The following STXBP5L variants were observed in gnomAD, a reference collection of about 807,000 sequenced individuals.
The protein encoded by STXBP5L is syntaxin binding protein 5L, also known as syntaxin-binding protein 5-like.
Under a neutral mutation model 144.5 loss-of-function variants are expected in STXBP5L, and 65 were observed. That is an observed-to-expected ratio of 0.45 (90% CI 0.37 to 0.55). The LOEUF is 0.55. Ranked by LOEUF, STXBP5L falls within the 20% of genes least tolerant of loss-of-function variation. The pLI is 0.00. For missense variants in STXBP5L, 1,298 were observed against 1,405.5 expected (o/e 0.92, Z 1.22); for synonymous variants, 505 against 469.6 (o/e 1.08, Z -0.97).
intron 5 of STXBP5L, among the ~76,000 whole-genome samples, chr3:121,078,906 G>A (rs6438606): frequency 0.1 from 15,231 of 152,256 alleles, 1,195 homozygotes; most frequent in Admixed American, 0.2. Flanking sequence ...CAATTGCCAC[G>A]CGCAGCCCCA....
chr3:120,969,844 T>C (rs1940035802), intron 3 of STXBP5L, among the ~76,000 whole-genome samples: 1 of 152,072 alleles, frequency 6.6e-6, no homozygotes, highest in Non-Finnish European at 1.5e-5. Context: ...TGTTTTCTGG[T>C]TGTTTTGTAG....
intron 9 of STXBP5L, among the ~76,000 whole-genome samples, chr3:121,188,542 C>T (rs1351212652): frequency 2.0e-5 from 3 of 151,368 alleles, no homozygotes; most frequent in African/African-American, 7.3e-5. Context: ...TGATGAACAT[C>T]GATGTGAAAA....
chr3:120,982,817 T>G (rs960132771), intron 3 of STXBP5L, among the ~76,000 whole-genome samples: 5 of 152,066 alleles, frequency 3.3e-5, no homozygotes, highest in Non-Finnish European at 5.9e-5. Flanking sequence ...GGCTAGGCAG[T>G]CCCCCAATTT....
chr3:121,410,532 G>A (rs925958005), intron 23 of STXBP5L, among the ~76,000 whole-genome samples: 1 of 151,944 alleles, frequency 6.6e-6, no homozygotes, highest in African/African-American at 2.4e-5. Context: ...TATATTCCCA[G>A]GATCTTTCCA....
intron 7 of STXBP5L, 149 bp from the exon 8 acceptor site, chr3:121,152,328 G>T: frequency 8.9e-6 from 5 of 561,950 alleles, no homozygotes; most frequent in Non-Finnish European, 1.5e-5. Context: ...TTTTTTAAAT[G>T]TAGAAAACCT....
intron 5 of STXBP5L, among the ~76,000 whole-genome samples, chr3:121,087,626 TGTCA>T (rs2042561361): frequency 6.6e-6 from 1 of 152,052 alleles, no homozygotes; most frequent in Non-Finnish European, 1.5e-5. Context: ...TAATTCATTC[TGTCA>T]GTCTATATAT....
At chr3:121,378,622 G>T (rs951329427) in intron 20 of STXBP5L, 94 bp from the exon 21 acceptor site, 35 of 1,290,610 alleles carry the variant, frequency 2.7e-5, no homozygotes, top group Non-Finnish European at 3.3e-5. Context: ...TAAAGGAATT[G>T]TTGCTCATCT....
chr3:121,170,079 C>T (rs1454697092), intron 9 of STXBP5L, among the ~76,000 whole-genome samples: 2 of 152,180 alleles, frequency 1.3e-5, no homozygotes, highest in African/African-American at 2.4e-5. Flanking sequence ...AACTTAACAA[C>T]GTGCTCCTGA....
chr3:121,274,946 C>A (rs17249426), intron 18 of STXBP5L, among the ~76,000 whole-genome samples: 20,223 of 152,110 alleles, frequency 0.13, 1,649 homozygotes, highest in Middle Eastern at 0.19. Context: ...GACTTATAAC[C>A]CAAGGTAAGA....
At chr3:121,077,400 T>A (rs1488996699) in intron 5 of STXBP5L, among the ~76,000 whole-genome samples, 1 of 152,260 alleles carries the variant, frequency 6.6e-6, no homozygotes, top group East Asian at 1.9e-4. Context: ...TTCTGATGTT[T>A]GGATGTGTTC....
intron 7 of STXBP5L, among the ~76,000 whole-genome samples, chr3:121,136,158 C>T (rs542173701): frequency 6.6e-6 from 1 of 152,266 alleles, no homozygotes; most frequent in East Asian, 1.9e-4. Flanking sequence ...GAAGATAACT[C>T]ATGTCTCCCT....
chr3:121,039,379 C>T (rs1457941508), intron 3 of STXBP5L, among the ~76,000 whole-genome samples: 1 of 151,646 alleles, frequency 6.6e-6, no homozygotes, highest in Non-Finnish European at 1.5e-5. Context: ...TCTATTTCCC[C>T]TCCTATTGGC....
chr3:121,170,641 G>C (rs539260939), intron 9 of STXBP5L, among the ~76,000 whole-genome samples: 4 of 152,138 alleles, frequency 2.6e-5, no homozygotes, highest in Non-Finnish European at 5.9e-5. Context: ...GACTAAACCA[G>C]GGAGAAGTCC....
At chr3:121,264,590 A>G (rs1268378988) in intron 18 of STXBP5L, among the ~76,000 whole-genome samples, 1 of 152,198 alleles carries the variant, frequency 6.6e-6, no homozygotes, top group Non-Finnish European at 1.5e-5. Context: ...ATAACCAGCT[A>G]GCGTCATAAT....
rs138903780 is a variant in STXBP5L, at chr3:121,301,204, G to A, written c.2111-17271G>A. The stretch of plus-strand genomic sequence containing the variant: ...GCATGGAATGTTCTTCCATTTGTTT[G>A]TATCCTCCTTTATTTCGTTGAGCAG... On this transcript the variant is annotated intron_variant, in intron 19 of 26. Coordinates refer to ENST00000471454, the MANE Select transcript of STXBP5L (RefSeq NM_001308330.2). 4.8e-4 allele frequency among the ~76,000 whole-genome samples: 73 copies of A among 152,228 alleles called. 1 individual carries two copies. The East Asian group carries it at 0.013, about 28-fold the overall frequency.
chr3:120,983,397 G>T (rs971821973), intron 3 of STXBP5L, among the ~76,000 whole-genome samples: 1 of 152,128 alleles, frequency 6.6e-6, no homozygotes, highest in African/African-American at 2.4e-5. Context: ...AGTGGTGGTG[G>T]TATCTGTTTT....
intron 19 of STXBP5L, among the ~76,000 whole-genome samples, chr3:121,286,802 G>T (rs2051247628): frequency 6.8e-6 from 1 of 146,428 alleles, no homozygotes; most frequent in South Asian, 2.3e-4. Flanking sequence ...TGAAAACAAT[G>T]GTTTTTAAGA....
chr3:121,183,669 G>C (rs2047253147), intron 9 of STXBP5L, among the ~76,000 whole-genome samples: 1 of 151,820 alleles, frequency 6.6e-6, no homozygotes, highest in African/African-American at 2.4e-5. Context: ...AAGAAGGAAG[G>C]GAGGGAGGGA....
intron 5 of STXBP5L, among the ~76,000 whole-genome samples, chr3:121,093,803 C>A (rs565132163): frequency 4.6e-5 from 7 of 152,154 alleles, no homozygotes; most frequent in African/African-American, 1.7e-4. Context: ...TTATTTCTTG[C>A]CTTCTGCTAG....
Sources: allele counts gnomAD v4.1 joint callset (sites outside exome capture counted in the v4.1 genomes callset), GRCh38; gene constraint gnomAD v4.1.1; transcripts MANE v1.5; gene names NCBI Gene and HGNC (gene_info 2026-07-23, HGNC 2026-07-21).